PAN2: variants seen among roughly 807,000 people sequenced by gnomAD.
PAN2 encodes the protein PAN2-PAN3 deadenylation complex catalytic subunit PAN2.
PAN2 carries 68 observed loss-of-function variants against 133.3 expected under a neutral mutation model. The ratio of observed to expected loss-of-function variants is 0.51; its 90% CI spans 0.42 to 0.62. The LOEUF is 0.62. Among genes scored for constraint, PAN2 ranks in the 20% least tolerant of loss-of-function variants. The pLI is 0.00. For synonymous variants in PAN2, 462 were observed against 544.6 expected (o/e 0.85, Z 2.11); for missense variants, 1,042 against 1,500.5 (o/e 0.69, Z 5.05).
intron 20 of PAN2, among the ~76,000 whole-genome samples, chr12:56,321,544 T>TA (rs11300464): frequency 2.1e-4 from 29 of 138,906 alleles, no homozygotes; most frequent in African/African-American, 6.9e-4. Context: ...CTAGGCTAAT[T>TA]AAAAAAAAAA....
intron 3 of PAN2, 39 bp downstream of exon 3, chr12:56,328,433 G>A (rs1486052111): frequency 3.7e-6 from 6 of 1,609,700 alleles, no homozygotes; most frequent in Non-Finnish European, 5.1e-6. Flanking sequence ...ACCCTATGAG[G>A]CATCCTCGTT....
Position 56,322,118 on chromosome 12 carries a change from A to C in PAN2, c.2748T>G (p.Tyr916Ter), listed in dbSNP as rs748360888. The change falls in exon 20 of 26, where the codon TAT becomes TAG. Residue 916 changes from tyrosine (Y) to a stop codon, truncating the protein, a stop_gained. Coordinates refer to ENST00000440411, the MANE Select transcript of PAN2 (RefSeq NM_014871.6). LOFTEE classifies it high-confidence loss of function. ...TGGAATTGAGATTCCGTTTGACATA[A>C]TAAAGGATTGCAGGTACTTTCCAAT... ...DMNWKVPAIL[Y>*]YVKRNLNSRY... 2.5e-6 allele frequency: 4 copies of C among 1,611,022 alleles called. No homozygotes were observed. Among genetic ancestry groups the C allele is most frequent in the Non-Finnish European group, 3.4e-6 (4 of 1,177,322 alleles).
chr12:56,327,019 G>T, intron 6 of PAN2, 60 bp from the exon 7 acceptor site: 1 of 1,370,480 alleles, frequency 7.3e-7, no homozygotes, highest in Non-Finnish European at 1.0e-6. Context: ...ATATTCTTAT[G>T]CCCTTCCTAT....
In PAN2 at chr12:56,319,320, G is replaced by C; in HGVS notation, c.3258C>G (p.Val1086=). ...AGCCCTGCCAAACCATCAGGTTGATGACCCGGAAGTCCTTCTGCAGGCCAT... is the reference window on the plus strand; with the variant it reads ...AGCCCTGCCAAACCATCAGGTTGATCACCCGGAAGTCCTTCTGCAGGCCAT... ...VGHGLQKDFR[V]INLMVPKDQV... The change falls in exon 23 of 26, where the codon GTC becomes GTG. Residue 1086 remains valine (V), a synonymous_variant. Coordinates refer to ENST00000440411, the MANE Select transcript of PAN2 (RefSeq NM_014871.6). The surrounding 1 kb of genome is among the most constrained non-coding windows in gnomAD (Gnocchi z 5.4). 1 of 1,613,452 alleles carries C rather than the reference G, an allele frequency of 6.2e-7. No homozygotes were observed. The highest frequency in any genetic ancestry group is 1.1e-5 in the South Asian group (1 of 90,926).
intron 1 of PAN2, 74 bp from the exon 2 acceptor site, chr12:56,333,282 G>A: frequency 1.7e-6 from 1 of 604,816 alleles, no homozygotes; most frequent in South Asian, 2.0e-5. Context: ...AGGTTATGGG[G>A]GCAGGAGGGA....
intron 5 of PAN2, 129 bp downstream of exon 5, chr12:56,327,866 A>C (rs953717859): frequency 6.9e-7 from 1 of 1,455,790 alleles, no homozygotes; most frequent in Admixed American, 2.5e-5. Context: ...ACTGAGTAGG[A>C]AGTGAATTCA....
Position 56,322,140 on chromosome 12 carries a change from C to T in PAN2, c.2726G>A (p.Trp909Ter). 6.2e-7 allele frequency: 1 copy of T among 1,607,858 alleles called. No homozygotes were observed. Among genetic ancestry groups the T allele is most frequent in the Non-Finnish European group, 8.5e-7 (1 of 1,174,388 alleles). Residue 909 changes from tryptophan to a stop codon, truncating the protein, a stop_gained, in exon 20 of 26, where the codon TGG becomes TAG. Transcript: ENST00000440411. LOFTEE classifies it high-confidence loss of function. Reference protein sequence around the residue: ...KHEAVQFDMNWKVPAILYYVK... With the variant: ...KHEAVQFDMN ...ATAATAAAGGATTGCAGGTACTTTCCAATTCATGTCAAACTGCACAGCTTC... is the reference window on the plus strand; with the variant it reads ...ATAATAAAGGATTGCAGGTACTTTCTAATTCATGTCAAACTGCACAGCTTC...
At chr12:56,321,025 T>C (rs531122289) in intron 20 of PAN2, among the ~76,000 whole-genome samples, 5 of 150,312 alleles carry the variant, frequency 3.3e-5, no homozygotes, top group Admixed American at 6.6e-5. Context: ...AATTGTGCCA[T>C]TGCACTCCAG....
chr12:56,321,151 C>T (rs2135958100), intron 20 of PAN2, among the ~76,000 whole-genome samples: 1 of 152,014 alleles, frequency 6.6e-6, no homozygotes, highest in Non-Finnish European at 1.5e-5. Flanking sequence ...GCCTTGACCT[C>T]CTGGGCTCAA....
Position 56,332,800 on chromosome 12 carries a change from G to A in PAN2, c.282+13C>T, listed in dbSNP as rs1876070298. 1 of 1,612,624 alleles carries A rather than the reference G, an allele frequency of 6.2e-7. No homozygotes were observed. Among genetic ancestry groups the A allele is most frequent in the Non-Finnish European group, 8.5e-7 (1 of 1,178,838 alleles). On this transcript the variant is annotated intron_variant, in intron 2 of 25. Transcript: ENST00000440411. ...AACATCTTTCAACCCTCACAAAGGG[G>A]TACAGTTCTTACCCCGTGGCTCCCC...
chr12:56,318,004 C>G (rs1308385309), intron 25 of PAN2, among the ~76,000 whole-genome samples: 1 of 152,180 alleles, frequency 6.6e-6, no homozygotes, highest in Non-Finnish European at 1.5e-5. Flanking sequence ...TGGCAAAATC[C>G]TGTTTCTACA....
At chr12:56,320,074 G>A (rs955700839) in intron 20 of PAN2, 53 bp from the exon 21 acceptor site, 3 of 1,572,202 alleles carry the variant, frequency 1.9e-6, no homozygotes, top group African/African-American at 2.7e-5. Flanking sequence ...GTGACTAGGG[G>A]AGAGAAGCCC....
rs1470884904 is a variant in PAN2 at position 56,328,026 on chromosome 12, C to T, written c.620G>A (p.Arg207His). ...AGACGTGTGGCCGCAGAAGAAGAAG[C>T]GATTTGTCTGTCTCATGATGGTGAC... ...PGVTIMRQTN[R>H]FFFCGHTSGK... Residue 207 changes from arginine to histidine, a missense_variant, in exon 5 of 26, where the codon CGC becomes CAC. Arg to His is a conservative substitution (Grantham distance 29). Around this residue, in one of 3 missense-constraint regions of PAN2, gnomAD observed 908 missense variants for 1,223.5 expected, o/e 0.74. Coordinates refer to ENST00000440411, the MANE Select transcript of PAN2 (RefSeq NM_014871.6). The T allele has an allele frequency of 3.1e-6, 5 of 1,613,700 alleles. No individual in the cohort carries two copies. Among genetic ancestry groups the T allele is most frequent in the East Asian group, 4.5e-5 (2 of 44,896 alleles).
intron 2 of PAN2, among the ~76,000 whole-genome samples, chr12:56,329,339 T>C (rs1321279412): frequency 6.6e-6 from 1 of 152,076 alleles, no homozygotes; most frequent in Non-Finnish European, 1.5e-5. Context: ...TTTTTATTTA[T>C]GTATTTATTT....
chr12:56,322,508 G>A (rs751794513), intron 18 of PAN2, 26 bp from the exon 19 acceptor site: 1 of 1,612,658 alleles, frequency 6.2e-7, no homozygotes, highest in African/African-American at 1.3e-5. Flanking sequence ...GAAAGCCTGT[G>A]GCGATACAAA....
chr12:56,320,070 A>G (rs760744470), intron 20 of PAN2, 49 bp from the exon 21 acceptor site: 4 of 1,578,886 alleles, frequency 2.5e-6, no homozygotes, highest in Admixed American at 1.7e-5. Flanking sequence ...GGAAGTGACT[A>G]GGGGAGAGAA....
chr12:56,322,297 G>A (rs928962431), intron 19 of PAN2, 126 bp downstream of exon 19: 6 of 1,062,318 alleles, frequency 5.6e-6, no homozygotes, highest in Non-Finnish European at 8.7e-6. Flanking sequence ...AGTGCTAATG[G>A]TTTTTATTCC....
chr12:56,325,370 G>T lies in PAN2; in HGVS notation c.1444C>A (p.Pro482Thr). The change falls in exon 9 of 26, where the codon CCA (proline) becomes ACA (threonine). Residue 482 changes from proline (P) to threonine (T), a missense_variant. Physicochemically the swap from Pro to Thr is conservative, Grantham distance 38. Transcript: ENST00000440411. ...TESPVGREEEPHLHMVSKKYR... is the reference protein window; with the variant it reads ...TESPVGREEETHLHMVSKKYR... ...TTCTTAGAAACCATGTGGAGATGTG[G>T]TTCCTCTTCTCGTCCTACTGGTGAC... 6.2e-7 allele frequency: 1 copy of T among 1,614,148 alleles called. No homozygotes were observed. The highest frequency in any genetic ancestry group is 8.5e-7 in the Non-Finnish European group (1 of 1,180,016).
intron 20 of PAN2, among the ~76,000 whole-genome samples, chr12:56,321,577 G>A (rs1347365889): frequency 6.7e-6 from 1 of 149,832 alleles, no homozygotes; most frequent in South Asian, 2.1e-4. Flanking sequence ...TAGGCTGGGT[G>A]TAGTTGCTCA....
Sources: allele counts gnomAD v4.1 joint callset (sites outside exome capture counted in the v4.1 genomes callset), GRCh38; gene constraint gnomAD v4.1.1; regional missense constraint gnomAD v4.1.1; non-coding constraint Gnocchi (gnomAD v3.1); transcripts MANE v1.5; gene names NCBI Gene and HGNC (gene_info 2026-07-23, HGNC 2026-07-21).